ARHGAP24: variants seen among roughly 807,000 people sequenced by gnomAD.
The protein encoded by ARHGAP24 is rho GTPase-activating protein 24.
In ARHGAP24, 50 loss-of-function variants were observed where a neutral mutation model predicts 76.4. The ratio of observed to expected loss-of-function variants is 0.65; its 90% CI spans 0.52 to 0.83. The LOEUF (loss-of-function observed/expected upper bound fraction) is 0.83, where lower values mean the gene tolerates loss of function less well. ARHGAP24 is among the 40% of genes least tolerant of loss of function. ARHGAP24 has a pLI of 0.00. For synonymous variants in ARHGAP24, 345 were observed against 323.3 expected, an observed-to-expected ratio of 1.07 and a Z score of -0.72; for missense variants, 930 against 914.2, an observed-to-expected ratio of 1.02 and a Z score of -0.22.
At chr4:85,911,103 G>A (rs925376757) in intron 3 of ARHGAP24, among the ~76,000 whole-genome samples, 1 of 152,220 alleles carries the variant, frequency 6.6e-6, no homozygotes, top group Non-Finnish European at 1.5e-5. Flanking sequence ...GTCTGCAGCT[G>A]CAGTTTGGAT....
chr4:85,975,657 C>T (rs1739276215), intron 7 of ARHGAP24: 1 of 152,156 alleles, frequency 6.6e-6, no homozygotes, highest in African/African-American at 2.4e-5. Flanking sequence ...AAAATTGAAA[C>T]AGAATAAATT....
At chr4:85,683,570 A>G (rs1450987814) in intron 2 of ARHGAP24, among the ~76,000 whole-genome samples, 1 of 152,216 alleles carries the variant, frequency 6.6e-6, no homozygotes, top group Non-Finnish European at 1.5e-5. Flanking sequence ...TGAAGTTGTA[A>G]TACTTTGTGA....
At chr4:85,978,074 G>A (rs1457558397) in intron 8 of ARHGAP24, among the ~76,000 whole-genome samples, 2 of 152,118 alleles carry the variant, frequency 1.3e-5, no homozygotes, top group African/African-American at 4.8e-5. Context: ...TTATTTGACT[G>A]ACTTAGGGAA....
chr4:85,544,693 CACAT>C (rs1319544683), intron 1 of ARHGAP24, among the ~76,000 whole-genome samples: 3 of 151,882 alleles, frequency 2.0e-5, no homozygotes, highest in Non-Finnish European at 4.4e-5. Flanking sequence ...TATATATACA[CACAT>C]ACATATATAT....
At chr4:85,848,901 T>C (rs1453590106) in intron 3 of ARHGAP24, among the ~76,000 whole-genome samples, 1 of 152,186 alleles carries the variant, frequency 6.6e-6, no homozygotes, top group Non-Finnish European at 1.5e-5. Context: ...GCTTTGTTCT[T>C]TTTGCGTAGG....
At chr4:85,594,066 G>A (rs1728220506) in intron 2 of ARHGAP24, among the ~76,000 whole-genome samples, 1 of 151,792 alleles carries the variant, frequency 6.6e-6, no homozygotes, top group Non-Finnish European at 1.5e-5. Flanking sequence ...TAGCGATTTT[G>A]ATTCTTCCAT....
intron 3 of ARHGAP24, among the ~76,000 whole-genome samples, chr4:85,809,527 C>G (rs1728925390): frequency 6.6e-6 from 1 of 152,086 alleles, no homozygotes; most frequent in Admixed American, 6.6e-5. Flanking sequence ...ATATTAATGC[C>G]TATAAAAGTT....
At chr4:85,610,976 A>G (rs2109995729) in intron 2 of ARHGAP24, among the ~76,000 whole-genome samples, 1 of 152,324 alleles carries the variant, frequency 6.6e-6, no homozygotes. Flanking sequence ...TCATGATCAT[A>G]ATAGAAGAGA....
intron 4 of ARHGAP24, among the ~76,000 whole-genome samples, chr4:85,931,318 G>A (rs1736319473): frequency 6.6e-6 from 1 of 152,036 alleles, no homozygotes; most frequent in Non-Finnish European, 1.5e-5. Flanking sequence ...AAGTAAGCTG[G>A]GCTGACCGTC....
intron 2 of ARHGAP24, among the ~76,000 whole-genome samples, chr4:85,589,868 C>T (rs766415060): frequency 6.6e-6 from 1 of 151,986 alleles, no homozygotes; most frequent in Non-Finnish European, 1.5e-5. Context: ...CAAAATAATT[C>T]CTTCTTAATT....
intron 5 of ARHGAP24, among the ~76,000 whole-genome samples, chr4:85,971,522 C>T (rs1007507075): frequency 1.4e-4 from 21 of 151,876 alleles, no homozygotes; most frequent in African/African-American, 4.8e-4. Context: ...TTATGGGTTA[C>T]GTGAGATATT....
At chr4:85,527,960 A>G (rs537944016) in intron 1 of ARHGAP24, among the ~76,000 whole-genome samples, 7 of 152,242 alleles carry the variant, frequency 4.6e-5, no homozygotes, top group South Asian at 2.1e-4. Flanking sequence ...TGTCAGGAAC[A>G]TAAGTGAATC....
rs752015633 is a variant in ARHGAP24, at chr4:85,570,530, A to G, written c.-12A>G. 1.2e-6 allele frequency: 2 copies of G among 1,613,110 alleles called. No individual in the cohort carries two copies. The highest frequency in any genetic ancestry group is 1.7e-6 in the Non-Finnish European group (2 of 1,179,880). On this transcript the variant is annotated 5_prime_UTR_variant, in exon 2 of 10. Transcript: ENST00000395184. Reference sequence around the variant, plus strand: ...TTTTGTTTGCTAACTAGGAAAGTCCATCAGCTTGATAATGGAGGAGAACAA... The same window carrying G: ...TTTTGTTTGCTAACTAGGAAAGTCCGTCAGCTTGATAATGGAGGAGAACAA...
intron 3 of ARHGAP24, chr4:85,723,827 C>T (rs996201130): frequency 1.3e-5 from 2 of 152,172 alleles, no homozygotes; most frequent in African/African-American, 2.4e-5. Flanking sequence ...GTGCCCTTGA[C>T]ATCAGGATGG....
intron 8 of ARHGAP24, among the ~76,000 whole-genome samples, chr4:85,985,117 C>T (rs949892847): frequency 1.3e-5 from 2 of 152,000 alleles, no homozygotes; most frequent in Non-Finnish European, 2.9e-5. Context: ...CCACCATGCC[C>T]GGCCAGAAGA....
chr4:85,966,978 G>C (rs1468424972), intron 5 of ARHGAP24, among the ~76,000 whole-genome samples: 1 of 152,042 alleles, frequency 6.6e-6, no homozygotes, highest in Non-Finnish European at 1.5e-5. Flanking sequence ...CCAAGGTTTT[G>C]TCTGTGTAAT....
At chr4:85,610,264 A>C (rs1184531738) in intron 2 of ARHGAP24, among the ~76,000 whole-genome samples, 1 of 151,972 alleles carries the variant, frequency 6.6e-6, no homozygotes, top group Non-Finnish European at 1.5e-5. Context: ...TAACACGGTG[A>C]AACCTTGTCT....
At chr4:85,926,454 T>C (rs1736030441) in intron 4 of ARHGAP24, among the ~76,000 whole-genome samples, 1 of 152,150 alleles carries the variant, frequency 6.6e-6, no homozygotes, top group Non-Finnish European at 1.5e-5. Flanking sequence ...TTTGCTAAAG[T>C]TAATAGAGCA....
chr4:85,585,783 A>C (rs546862709), intron 2 of ARHGAP24, among the ~76,000 whole-genome samples: 2 of 152,202 alleles, frequency 1.3e-5, no homozygotes, highest in Admixed American at 1.3e-4. Flanking sequence ...TAATGTATTA[A>C]AAGTCCAGTC....
Sources: gnomAD v4.1 joint callset for allele counts (sites outside exome capture counted in the v4.1 genomes callset) on GRCh38, gnomAD v4.1.1 for gene constraint, MANE v1.5 for transcripts, NCBI Gene and HGNC (gene_info 2026-07-23, HGNC 2026-07-21) for gene names.